FMN1: variants seen among roughly 807,000 people sequenced by gnomAD.
FMN1 encodes formin 1.
A neutral mutation model predicts 132.4 loss-of-function variants in FMN1; 110 were observed. That is an observed-to-expected ratio of 0.83 (90% confidence interval 0.71 to 0.97). FMN1 has a LOEUF of 0.97. Among genes scored for constraint, FMN1 ranks in the 50% least tolerant of loss-of-function variants. FMN1 has a pLI of 0.00. For synonymous variants in FMN1, 722 were observed against 651.7 expected, an observed-to-expected ratio of 1.11 and a Z score of -1.64; for missense variants, 1,792 against 1,705.3, an observed-to-expected ratio of 1.05 and a Z score of -0.90.
At chr15:33,017,062 C>G (rs763888478) in intron 6 of FMN1, among the ~76,000 whole-genome samples, 14 of 151,820 alleles carry the variant, frequency 9.2e-5, no homozygotes, top group Non-Finnish European at 1.8e-4. Flanking sequence ...GCATCTCAAT[C>G]AAATTTGGGG....
chr15:33,184,886 T>C (rs1027062076), intron 2 of FMN1, among the ~76,000 whole-genome samples: 1 of 152,116 alleles, frequency 6.6e-6, no homozygotes, highest in African/African-American at 2.4e-5. Flanking sequence ...CGGAAAAGAC[T>C]GTATTCTTTT....
At chr15:32,926,558 T>C (rs2060966744) in intron 9 of FMN1, among the ~76,000 whole-genome samples, 1 of 152,238 alleles carries the variant, frequency 6.6e-6, no homozygotes, top group African/African-American at 2.4e-5. Context: ...TATACCAGCA[T>C]CAAGATGTAC....
chr15:32,896,736 A>G (rs2060167828), intron 15 of FMN1, among the ~76,000 whole-genome samples: 1 of 152,184 alleles, frequency 6.6e-6, no homozygotes, highest in Non-Finnish European at 1.5e-5. Flanking sequence ...GCAGCATACG[A>G]CAGAATTTAT....
chr15:32,829,845 A>C (rs1217682882), intron 17 of FMN1, among the ~76,000 whole-genome samples: 1 of 152,130 alleles, frequency 6.6e-6, no homozygotes, highest in Non-Finnish European at 1.5e-5. Flanking sequence ...AAGTTGTGAG[A>C]CCTCAGTAGT....
intron 9 of FMN1, among the ~76,000 whole-genome samples, chr15:32,953,952 C>T (rs184487816): frequency 6.6e-6 from 1 of 152,160 alleles, no homozygotes; most frequent in Admixed American, 6.5e-5. Flanking sequence ...TATGTGGGAA[C>T]GTATCCACAT....
At chr15:33,165,430 A>G (rs532927930) in intron 3 of FMN1, among the ~76,000 whole-genome samples, 101 of 152,284 alleles carry the variant, frequency 6.6e-4, no homozygotes, top group African/African-American at 1.6e-3. Context: ...TCGCTCTGTC[A>G]CCCAGGCTGG....
chr15:32,966,230 T>C (rs2031210962), intron 8 of FMN1, among the ~76,000 whole-genome samples: 2 of 152,132 alleles, frequency 1.3e-5, no homozygotes, highest in African/African-American at 2.4e-5. Flanking sequence ...ATAATTCACT[T>C]ATATTCTGGA....
chr15:33,015,295 T>C (rs1479398398), intron 6 of FMN1, among the ~76,000 whole-genome samples: 1 of 152,148 alleles, frequency 6.6e-6, no homozygotes. Context: ...TTTTCATAAT[T>C]CTGTAAAAGG....
At chr15:32,984,847 A>G (rs564544612) in intron 7 of FMN1, among the ~76,000 whole-genome samples, 1 of 152,236 alleles carries the variant, frequency 6.6e-6, no homozygotes, top group African/African-American at 2.4e-5. Context: ...CTTGTGTACA[A>G]GACACACTGA....
chr15:32,926,343 T>C, intron 9 of FMN1, 82 bp from the exon 10 acceptor site: 1 of 715,996 alleles, frequency 1.4e-6, no homozygotes, highest in South Asian at 1.9e-5. Context: ...AACATTAAAT[T>C]TTTTTAGATA....
intron 17 of FMN1, among the ~76,000 whole-genome samples, chr15:32,817,341 C>CA (rs1187496193): frequency 6.6e-6 from 1 of 152,186 alleles, no homozygotes; most frequent in Non-Finnish European, 1.5e-5. Flanking sequence ...CAGAACCCGA[C>CA]AAAAGTCTAA....
At chr15:33,077,239 T>C (rs1392658282) in intron 5 of FMN1, among the ~76,000 whole-genome samples, 1 of 152,016 alleles carries the variant, frequency 6.6e-6, no homozygotes, top group Non-Finnish European at 1.5e-5. Context: ...TTCTCTATGT[T>C]GCTCAGGCTG....
At chr15:32,940,143 C>T (rs2061368027) in intron 9 of FMN1, among the ~76,000 whole-genome samples, 1 of 151,986 alleles carries the variant, frequency 6.6e-6, no homozygotes, top group African/African-American at 2.4e-5. Context: ...TACAACAGTC[C>T]TTCCCTCTAG....
At chr15:33,143,420 CT>C (rs1566949737) in intron 4 of FMN1, among the ~76,000 whole-genome samples, 1 of 152,170 alleles carries the variant, frequency 6.6e-6, no homozygotes, top group Non-Finnish European at 1.5e-5. Context: ...CAATAGAACA[CT>C]TACTGAGTAT....
intron 15 of FMN1, among the ~76,000 whole-genome samples, chr15:32,889,495 C>T (rs990418824): frequency 1.3e-5 from 2 of 152,130 alleles, no homozygotes; most frequent in Non-Finnish European, 2.9e-5. Flanking sequence ...CCTCTGTCTA[C>T]ATCTCTGGCC....
rs140152487 is a variant in FMN1 at position 32,868,295 on chromosome 15, GA to G, written c.3836-11189del. Among the ~76,000 whole-genome samples the G allele has an allele frequency of 4.1e-3, 625 of 152,254 alleles. 2 individuals carry two copies. The highest frequency in any genetic ancestry group is 0.014 in the African/African-American group (598 of 41,534). On this transcript the variant is annotated intron_variant, in intron 16 of 20. Coordinates refer to ENST00000616417, the MANE Select transcript of FMN1 (RefSeq NM_001277313.2). ...TGCCTACAGTATTCAGCAGAATACT[GA>G]ATACAGTTACAGTATAGTACAGCCA...
chr15:32,806,322 C>T (rs1309030540), intron 17 of FMN1, among the ~76,000 whole-genome samples: 7 of 152,116 alleles, frequency 4.6e-5, no homozygotes, highest in African/African-American at 1.7e-4. Flanking sequence ...TTAGTTAAGA[C>T]CAAATGCTTA....
intron 4 of FMN1, among the ~76,000 whole-genome samples, chr15:33,098,530 A>G (rs1039156293): frequency 6.6e-6 from 1 of 152,210 alleles, no homozygotes; most frequent in African/African-American, 2.4e-5. Flanking sequence ...TTCCTCAATC[A>G]ACAGCCAGGC....
chr15:32,982,604 C>G (rs907895312), intron 7 of FMN1, among the ~76,000 whole-genome samples: 3 of 152,146 alleles, frequency 2.0e-5, no homozygotes, highest in Admixed American at 1.3e-4. Flanking sequence ...ATGAGATTAA[C>G]ATTTAAATCT....
Sources: gnomAD v4.1 joint callset for allele counts (sites outside exome capture counted in the v4.1 genomes callset) on GRCh38, gnomAD v4.1.1 for gene constraint, MANE v1.5 for transcripts, NCBI Gene and HGNC (gene_info 2026-07-23, HGNC 2026-07-21) for gene names.